Variants in WWOX observed in about 807,000 individuals in gnomAD.
WWOX encodes the protein WW domain containing oxidoreductase.
Under a neutral mutation model 46.2 loss-of-function variants are expected in WWOX, and 69 were observed. That is an observed-to-expected ratio of 1.49 (90% CI 1.23 to 1.82). The LOEUF (loss-of-function observed/expected upper bound fraction) is 1.82. WWOX is among the 40% of genes most tolerant of loss of function. WWOX has a pLI of 0.00. For synonymous variants in WWOX, 359 were observed against 202.6 expected (o/e 1.77, Z -6.56); for missense variants, 919 against 542.6 (o/e 1.69, Z -6.89).
At chr16:79,012,057 G>A (rs896974271) in intron 8 of WWOX, among the ~76,000 whole-genome samples, 3 of 152,112 alleles carry the variant, frequency 2.0e-5, no homozygotes, top group Admixed American at 6.5e-5. Context: ...AGAATAAAGT[G>A]TCAAAGCCAA....
At chr16:78,355,509 G>A (rs36054930) in intron 5 of WWOX, 5 of 367,104 alleles carry the variant, frequency 1.4e-5, no homozygotes, top group Middle Eastern at 8.9e-4. Context: ...GGCTGAGACC[G>A]AAGAATTACT....
chr16:79,036,342 C>T (rs1253009022), intron 8 of WWOX, among the ~76,000 whole-genome samples: 1 of 152,224 alleles, frequency 6.6e-6, no homozygotes, highest in African/African-American at 2.4e-5. Context: ...ACTCTTCCTG[C>T]ATTCATTAGA....
chr16:78,566,038 G>A (rs114647044), intron 8 of WWOX, among the ~76,000 whole-genome samples: 6,170 of 152,242 alleles, frequency 0.041, 330 homozygotes, highest in African/African-American at 0.12. Flanking sequence ...CTAGAGGCTG[G>A]GAAGTCCAAG....
chr16:78,642,688 C>G (rs2046749296), intron 8 of WWOX, among the ~76,000 whole-genome samples: 1 of 152,090 alleles, frequency 6.6e-6, no homozygotes, highest in South Asian at 2.1e-4. Flanking sequence ...TGGCAGTTCC[C>G]ACCTCGACCG....
At chr16:78,992,642 A>C (rs2046911155) in intron 8 of WWOX, among the ~76,000 whole-genome samples, 1 of 152,136 alleles carries the variant, frequency 6.6e-6, no homozygotes, top group African/African-American at 2.4e-5. Flanking sequence ...ATCCCATCTT[A>C]ATGTCTGTTG....
intron 8 of WWOX, among the ~76,000 whole-genome samples, chr16:78,602,503 A>G (rs2161718): frequency 6.6e-6 from 1 of 152,192 alleles, no homozygotes; most frequent in East Asian, 1.9e-4. Context: ...AAGTGCTGGG[A>G]TTACAGGTGC....
intron 8 of WWOX, among the ~76,000 whole-genome samples, chr16:78,951,540 A>G (rs901859373): frequency 6.6e-6 from 1 of 152,228 alleles, no homozygotes; most frequent in African/African-American, 2.4e-5. Context: ...TATTGCTGGA[A>G]AAGGGGACAT....
chr16:78,870,508 AAAAAAAC>A (rs2044103250), intron 8 of WWOX, among the ~76,000 whole-genome samples: 1 of 152,042 alleles, frequency 6.6e-6, no homozygotes, highest in Admixed American at 6.5e-5. Flanking sequence ...TCAGATTAAA[AAAAAAAC>A]AAAAAACCCT....
chr16:78,526,299 G>A (rs1211341481), intron 8 of WWOX: 2 of 152,346 alleles, frequency 1.3e-5, no homozygotes, highest in Non-Finnish European at 2.9e-5. Context: ...GGCGCTGCTG[G>A]TCCTGGATCC....
At chr16:78,167,690 A>G (rs139666536) in intron 5 of WWOX, 2 of 152,156 alleles carry the variant, frequency 1.3e-5, no homozygotes, top group East Asian at 3.8e-4. Flanking sequence ...TGGAAACTCA[A>G]ATTTTGCACC....
intron 8 of WWOX, among the ~76,000 whole-genome samples, chr16:78,840,235 C>T (rs967901575): frequency 6.6e-6 from 1 of 152,156 alleles, no homozygotes; most frequent in South Asian, 2.1e-4. Flanking sequence ...CCTAACTGTG[C>T]ACATTCTTGA....
chr16:78,567,145 C>T (rs1281773261), intron 8 of WWOX, among the ~76,000 whole-genome samples: 2 of 152,190 alleles, frequency 1.3e-5, no homozygotes, highest in African/African-American at 4.8e-5. Context: ...AAGCCCAACC[C>T]TGGTGAAGGG....
intron 8 of WWOX, among the ~76,000 whole-genome samples, chr16:78,819,730 T>A (rs2051441151): frequency 6.6e-6 from 1 of 152,172 alleles, no homozygotes; most frequent in Admixed American, 6.5e-5. Flanking sequence ...AATTCTGGGG[T>A]TCGCCTGCCC....
intron 8 of WWOX, among the ~76,000 whole-genome samples, chr16:78,518,769 A>C (rs1326189657): frequency 1.3e-5 from 2 of 152,166 alleles, no homozygotes; most frequent in Non-Finnish European, 1.5e-5. Context: ...GCTTCCTAGG[A>C]GGTGTCTGGC....
intron 8 of WWOX, among the ~76,000 whole-genome samples, chr16:78,561,932 C>T (rs2044448445): frequency 6.6e-6 from 1 of 151,748 alleles, no homozygotes. Context: ...TATCTAATTT[C>T]CCATTAAAAG....
intron 8 of WWOX, among the ~76,000 whole-genome samples, chr16:78,577,865 C>G (rs911539996): frequency 6.6e-6 from 1 of 152,072 alleles, no homozygotes; most frequent in Non-Finnish European, 1.5e-5. Context: ...GTTGGTAATT[C>G]AGTTTCAGGA....
intron 8 of WWOX, among the ~76,000 whole-genome samples, chr16:79,021,510 C>G (rs906229336): frequency 6.6e-6 from 1 of 152,130 alleles, no homozygotes; most frequent in African/African-American, 2.4e-5. Context: ...AACAAATGTT[C>G]TTCCTTCTTA....
intron 5 of WWOX, among the ~76,000 whole-genome samples, chr16:78,349,103 G>A (rs2081143447): frequency 8.3e-6 from 1 of 120,354 alleles, no homozygotes; most frequent in African/African-American, 2.8e-5. Context: ...TTCCGGCACA[G>A]TTGATGTCTT....
intron 8 of WWOX, among the ~76,000 whole-genome samples, chr16:78,447,296 T>C (rs1985676): frequency 4.6e-5 from 7 of 152,202 alleles, no homozygotes; most frequent in Admixed American, 6.5e-5. Flanking sequence ...TTTAATACTG[T>C]AATAAATTTT....
Sources: allele counts gnomAD v4.1 joint callset (sites outside exome capture counted in the v4.1 genomes callset), GRCh38; gene constraint gnomAD v4.1.1; transcripts MANE v1.5; gene names NCBI Gene and HGNC (gene_info 2026-07-23, HGNC 2026-07-21).